SGTA: variants seen among roughly 807,000 people sequenced by gnomAD.
SGTA encodes small glutamine rich tetratricopeptide repeat co-chaperone alpha.
Under a neutral mutation model 44.3 loss-of-function variants are expected in SGTA, and 22 were observed. That is an observed-to-expected ratio of 0.50 (90% CI 0.36 to 0.71). SGTA has a LOEUF of 0.71. Among genes scored for constraint, SGTA ranks in the 30% least tolerant of loss-of-function variants. The pLI, the probability that SGTA is intolerant of heterozygous loss-of-function variation, is 0.00. For synonymous variants in SGTA, 174 were observed against 177.6 expected, an observed-to-expected ratio of 0.98 and a Z score of 0.16; for missense variants, 341 against 435.9, an observed-to-expected ratio of 0.78 and a Z score of 1.94.
rs557922990 is a variant in SGTA at position 2,765,455 on chromosome 19, T to C, written c.293-170A>G. Among the ~76,000 whole-genome samples, 3 of 152,106 alleles carry C rather than the reference T, an allele frequency of 2.0e-5. No individual in the cohort carries two copies. The South Asian group carries it at 6.2e-4, about 32-fold the overall frequency. On this transcript the variant is annotated intron_variant, in intron 4 of 11. Transcript: ENST00000221566. This position sits in a 1 kb window ranked among gnomAD's most constrained non-coding sequence, Gnocchi z 5.5. ...GATGCCGGCTCAGGAGGCATCTGCA[T>C]CTATAGGGGGTTCGCTAGTCGCAAA...
Position 2,767,520 on chromosome 19 carries a change from G to A in SGTA, c.207+60C>T. On this transcript the variant is annotated intron_variant, in intron 3 of 11. Coordinates refer to ENST00000221566, the MANE Select transcript of SGTA (RefSeq NM_003021.4). This position sits in a 1 kb window ranked among gnomAD's most constrained non-coding sequence, Gnocchi z 7.3. ...GAGCGGGGCTCCTGGGGTCCCCAGG[G>A]CTGCCTGCTGTTGCTGTTCTTATTT... 1 of 1,400,154 alleles carries A rather than the reference G, an allele frequency of 7.1e-7. No individual in the cohort carries two copies. The highest frequency in any genetic ancestry group is 1.2e-5 in the South Asian group (1 of 85,464). 86.7% of individuals were successfully genotyped at this position (1,400,154 alleles called of 1,614,324 possible).
intron 11 of SGTA, among the ~76,000 whole-genome samples, chr19:2,756,722 G>A (rs1404323124): frequency 6.6e-6 from 1 of 151,896 alleles, no homozygotes; most frequent in Non-Finnish European, 1.5e-5. Context: ...GTGTCTGCTG[G>A]AGACGGACAG....
At chr19:2,780,189 C>G (rs1035690034) in intron 1 of SGTA, among the ~76,000 whole-genome samples, 8 of 152,146 alleles carry the variant, frequency 5.3e-5, no homozygotes, top group Admixed American at 5.2e-4. Context: ...AAACTGAGGT[C>G]GTCTTACCTC....
intron 1 of SGTA, chr19:2,770,643 G>C (rs1159062690): frequency 6.5e-6 from 1 of 152,898 alleles, no homozygotes; most frequent in Non-Finnish European, 1.5e-5. Flanking sequence ...ACGGGACCTT[G>C]TCTGTGTCTT....
At chr19:2,769,998 C>A (rs1287625731) in intron 1 of SGTA, among the ~76,000 whole-genome samples, 2 of 85,680 alleles carry the variant, frequency 2.3e-5, no homozygotes, top group Non-Finnish European at 4.9e-5. Flanking sequence ...TGGTTCCCCC[C>A]TCGGACACCC....
chr19:2,767,559 TG>T lies in SGTA; in HGVS notation c.207+20del, dbSNP rs879241091. 15 of 1,595,464 alleles carry T rather than the reference TG, an allele frequency of 9.4e-6. No individual in the cohort carries two copies. The highest frequency in any genetic ancestry group is 5.5e-5 in the South Asian group (5 of 90,684). ...CTGTTCTTATTTTGGGGGCAGTGGCTGGGGAAGCATCGAGGCTCACCTTGCC... is the reference window on the plus strand; with the variant it reads ...CTGTTCTTATTTTGGGGGCAGTGGCTGGGAAGCATCGAGGCTCACCTTGCC... On this transcript the variant is annotated intron_variant, in intron 3 of 11. Coordinates refer to ENST00000221566, the MANE Select transcript of SGTA (RefSeq NM_003021.4). This position sits in a 1 kb window ranked among gnomAD's most constrained non-coding sequence, Gnocchi z 7.3.
In SGTA at chr19:2,767,249, G is replaced by A. The variant is rs751026848; in HGVS notation, c.208-29C>T. The stretch of plus-strand genomic sequence containing the variant: ...GACCCGGAGGCAAAGGCGGCCCGCT[G>A]TCCTCTCCTCCCAACCTGGCACCCT... On this transcript the variant is annotated intron_variant, in intron 3 of 11. Coordinates refer to ENST00000221566, the MANE Select transcript of SGTA (RefSeq NM_003021.4). This position sits in a 1 kb window ranked among gnomAD's most constrained non-coding sequence, Gnocchi z 7.3. 26 of 1,555,830 alleles carry A rather than the reference G, an allele frequency of 1.7e-5. No homozygotes were observed. Among genetic ancestry groups the A allele is most frequent in the Non-Finnish European group, 2.1e-5 (24 of 1,140,516 alleles).
At position 2,759,344 on chromosome 19, in the gene SGTA, TTC is replaced by T. The variant is rs751257781; in HGVS notation, c.700-52_700-51del. 7 of 1,558,044 alleles carry T rather than the reference TTC, an allele frequency of 4.5e-6. No homozygotes were observed. The East Asian group carries it at 1.3e-4, about 30-fold the overall frequency. On this transcript the variant is annotated intron_variant, in intron 8 of 11. Coordinates refer to ENST00000221566, the MANE Select transcript of SGTA (RefSeq NM_003021.4). The stretch of plus-strand genomic sequence containing the variant: ...GGAAGACAAAGCTCCCAGCGCATCA[TTC>T]TCTTTCATCAGACACTTTCCATCTT...
chr19:2,775,933 G>A (rs992452309), intron 1 of SGTA, among the ~76,000 whole-genome samples: 3 of 152,202 alleles, frequency 2.0e-5, no homozygotes, highest in Admixed American at 6.5e-5. Flanking sequence ...AAGCTCCTGC[G>A]GGATGGTAAT....
In SGTA at chr19:2,761,429, C is replaced by T. The variant is rs368701514; in HGVS notation, c.699+31G>A. Reference sequence around the variant, plus strand: ...GCGGGCCTGGGGGGTGGCGCAGACACCATGGACAGGGAGGAGGGGCGGGCC... The same window carrying T: ...GCGGGCCTGGGGGGTGGCGCAGACATCATGGACAGGGAGGAGGGGCGGGCC... On this transcript the variant is annotated intron_variant, in intron 8 of 11. Transcript: ENST00000221566. This position sits in a 1 kb window ranked among gnomAD's most constrained non-coding sequence, Gnocchi z 5.7. The T allele has an allele frequency of 4.9e-5, 76 of 1,542,908 alleles. No individual in the cohort carries two copies. The African/African-American group carries it at 6.6e-4, about 13-fold the overall frequency.
chr19:2,777,501 G>C (rs1374342407), intron 1 of SGTA: 1 of 151,762 alleles, frequency 6.6e-6, no homozygotes. Context: ...GCAGTGAGCT[G>C]TGATCACACC....
At chr19:2,756,553 T>C (rs1006852867) in intron 11 of SGTA, among the ~76,000 whole-genome samples, 1 of 150,998 alleles carries the variant, frequency 6.6e-6, no homozygotes, top group Non-Finnish European at 1.5e-5. Flanking sequence ...TGAAAGAGAG[T>C]GTATATGAGG....
At position 2,759,300 on chromosome 19, in the gene SGTA, G is replaced by A. The variant is rs1344594778; in HGVS notation, c.700-6C>T. On this transcript the variant is annotated splice_polypyrimidine_tract_variant and splice_region_variant and intron_variant, in intron 8 of 11. Coordinates refer to ENST00000221566, the MANE Select transcript of SGTA (RefSeq NM_003021.4). Reference sequence around the variant, plus strand: ...TTGTTCATTAGGTTCGAAGCCTGAAGAACAGAACAAATTTGTCAGGAAGAC... The same window carrying A: ...TTGTTCATTAGGTTCGAAGCCTGAAAAACAGAACAAATTTGTCAGGAAGAC... 6.2e-7 allele frequency: 1 copy of A among 1,613,664 alleles called. No individual in the cohort carries two copies. The highest frequency in any genetic ancestry group is 8.5e-7 in the Non-Finnish European group (1 of 1,179,604).
At chr19:2,757,831 C>A in intron 9 of SGTA, 49 bp from the exon 10 acceptor site, 1 of 1,326,996 alleles carries the variant, frequency 7.5e-7, no homozygotes, top group Non-Finnish European at 1.0e-6. Context: ...TGACCGCCAC[C>A]CCCACTGCAG....
At chr19:2,757,516 C>T in intron 10 of SGTA, 59 bp from the exon 11 acceptor site, 1 of 1,581,352 alleles carries the variant, frequency 6.3e-7, no homozygotes, top group South Asian at 1.1e-5. Context: ...CTGCCTCCGT[C>T]CATCCCCAGC....
chr19:2,759,170 G>C, intron 9 of SGTA, 87 bp downstream of exon 9: 1 of 1,214,872 alleles, frequency 8.2e-7, no homozygotes, highest in Non-Finnish European at 1.2e-6. Context: ...ACACTTTAAA[G>C]TGGTTAGTTT....
intron 1 of SGTA, among the ~76,000 whole-genome samples, chr19:2,779,953 G>T (rs994166500): frequency 6.6e-5 from 10 of 152,034 alleles, no homozygotes; most frequent in Non-Finnish European, 1.5e-4. Flanking sequence ...GCCTGATGTG[G>T]CGGCACACAC....
At chr19:2,764,586 T>C (rs1915087443) in intron 5 of SGTA, among the ~76,000 whole-genome samples, 1 of 151,574 alleles carries the variant, frequency 6.6e-6, no homozygotes, top group East Asian at 1.9e-4. Context: ...TTTTTCGGGG[T>C]TTTTTTGAGA....
chr19:2,757,246 G>A, intron 11 of SGTA, 91 bp downstream of exon 11: 1 of 1,462,526 alleles, frequency 6.8e-7, no homozygotes, highest in Non-Finnish European at 9.2e-7. Context: ...CAGCCCCCGG[G>A]CGTCACTCCT....
Sources: allele counts gnomAD v4.1 joint callset (sites outside exome capture counted in the v4.1 genomes callset), GRCh38; gene constraint gnomAD v4.1.1; non-coding constraint Gnocchi (gnomAD v3.1); transcripts MANE v1.5; gene names NCBI Gene and HGNC (gene_info 2026-07-23, HGNC 2026-07-21).